RGS7: variants seen among roughly 807,000 people sequenced by gnomAD.
RGS7 encodes regulator of G-protein signaling 7.
A neutral mutation model predicts 81.1 loss-of-function variants in RGS7; 27 were observed. That is an observed-to-expected ratio of 0.33 (90% CI 0.25 to 0.46). The LOEUF (loss-of-function observed/expected upper bound fraction) is 0.46. Ranked by LOEUF, RGS7 falls within the 20% of genes least tolerant of loss-of-function variation. The pLI, the probability that RGS7 is intolerant of heterozygous loss-of-function variation, is 1.00. For missense variants in RGS7, 396 were observed against 607.4 expected (o/e 0.65, Z 3.66); for synonymous variants, 208 against 207.7 (o/e 1.00, Z -0.01).
chr1:241,019,021 G>A (rs1312825274), intron 3 of RGS7, among the ~76,000 whole-genome samples: 1 of 152,104 alleles, frequency 6.6e-6, no homozygotes, highest in Non-Finnish European at 1.5e-5. Context: ...AAGGCCATGA[G>A]GGGATTTTTC....
intron 2 of RGS7, among the ~76,000 whole-genome samples, chr1:241,347,404 T>C (rs28526593): frequency 5.9e-5 from 9 of 152,334 alleles, no homozygotes; most frequent in East Asian, 1.9e-4. Context: ...CTACTCTGCA[T>C]GGGCTATCAC....
chr1:240,955,583 A>AAAC (rs1428471719), intron 4 of RGS7, among the ~76,000 whole-genome samples: 12 of 91,202 alleles, frequency 1.3e-4, no homozygotes, highest in African/African-American at 4.6e-4. Flanking sequence ...AAAAAAAAAA[A>AAAC]CCGATTTGGA....
At chr1:240,973,197 C>T (rs1158975610) in intron 4 of RGS7, among the ~76,000 whole-genome samples, 1 of 152,114 alleles carries the variant, frequency 6.6e-6, no homozygotes, top group African/African-American at 2.4e-5. Flanking sequence ...CTGGCTACTT[C>T]ATGATATTGA....
Position 241,096,420 on chromosome 1 carries a change from A to G in RGS7, c.175+2246T>C, listed in dbSNP as rs143777165. Among the ~76,000 whole-genome samples the G allele has an allele frequency of 8.0e-4, 122 of 152,256 alleles. 1 individual carries two copies. In the East Asian group the frequency reaches 0.023, roughly 28 times the overall value. On this transcript the variant is annotated intron_variant, in intron 3 of 18. Coordinates refer to ENST00000440928, the MANE Select transcript of RGS7 (RefSeq NM_001364886.1). Reference sequence around the variant, plus strand: ...GCTGATAAGTGCTAGACATAATACTAGATATACCAACTAAATCCACGACAA... The same window carrying G: ...GCTGATAAGTGCTAGACATAATACTGGATATACCAACTAAATCCACGACAA...
chr1:241,323,015 T>TA (rs1220414221), intron 2 of RGS7, among the ~76,000 whole-genome samples: 1 of 152,140 alleles, frequency 6.6e-6, no homozygotes. Flanking sequence ...CTACTAACAG[T>TA]AAAAAACACA....
At chr1:241,167,621 C>T (rs1572965015) in intron 2 of RGS7, among the ~76,000 whole-genome samples, 1 of 151,946 alleles carries the variant, frequency 6.6e-6, no homozygotes, top group Non-Finnish European at 1.5e-5. Flanking sequence ...TTGGTTCAAG[C>T]GATTCTCATG....
intron 3 of RGS7, among the ~76,000 whole-genome samples, chr1:241,023,603 A>G (rs1371453089): frequency 6.6e-6 from 1 of 151,970 alleles, no homozygotes; most frequent in Non-Finnish European, 1.5e-5. Flanking sequence ...AACTCTAAAA[A>G]CTCTACCATC....
At chr1:240,827,250 T>C (rs1572284151) in intron 9 of RGS7, 78 bp from the exon 10 acceptor site, 2 of 1,149,318 alleles carry the variant, frequency 1.7e-6, no homozygotes, top group Non-Finnish European at 2.6e-6. Context: ...AATGGCTCGC[T>C]CTCCAGAGCC....
intron 2 of RGS7, among the ~76,000 whole-genome samples, chr1:241,262,015 A>AT (rs2077363749): frequency 6.6e-6 from 1 of 152,122 alleles, no homozygotes; most frequent in Non-Finnish European, 1.5e-5. Flanking sequence ...AGAAAAAAGG[A>AT]TTTTTTTAAG....
chr1:240,907,427 C>A (rs1670999977), intron 6 of RGS7, among the ~76,000 whole-genome samples: 1 of 151,494 alleles, frequency 6.6e-6, no homozygotes, highest in Admixed American at 6.6e-5. Context: ...AAATAAAATA[C>A]TAAATCGTAG....
At chr1:241,009,021 C>G (rs190191151) in intron 3 of RGS7, among the ~76,000 whole-genome samples, 1 of 151,676 alleles carries the variant, frequency 6.6e-6, no homozygotes, top group East Asian at 1.9e-4. Flanking sequence ...TATAGATTGG[C>G]CTTTACTTTA....
At chr1:241,329,089 A>T (rs2081801626) in intron 2 of RGS7, among the ~76,000 whole-genome samples, 1 of 152,214 alleles carries the variant, frequency 6.6e-6, no homozygotes. Context: ...TCCATCTAAT[A>T]AAAAGCTTCA....
intron 15 of RGS7, among the ~76,000 whole-genome samples, chr1:240,804,453 A>T (rs556557175): frequency 1.6e-5 from 2 of 126,248 alleles, no homozygotes; most frequent in East Asian, 2.4e-4. Flanking sequence ...GATTTTTTTT[A>T]AAAACCACAA....
rs796127635 is a variant in RGS7, at chr1:241,259,665, A to T, written c.78+96034T>A. 1.7e-3 allele frequency among the ~76,000 whole-genome samples: 95 copies of T among 56,708 alleles called. 2 individuals are homozygous for T. Among genetic ancestry groups the T allele is most frequent in the East Asian group, 6.9e-3 (16 of 2,328 alleles). The allele number at this position is 56,708 out of a possible 152,430, so 37.2% of individuals were successfully genotyped here. On this transcript the variant is annotated intron_variant, in intron 2 of 18. Coordinates refer to ENST00000440928, the MANE Select transcript of RGS7 (RefSeq NM_001364886.1). ...AACTCCGTCTCAAAAAAAAAAAAAA[A>T]AAATATATATATATATATATAATTA...
intron 2 of RGS7, among the ~76,000 whole-genome samples, chr1:241,288,426 T>C (rs770445990): frequency 7.2e-5 from 11 of 152,178 alleles, no homozygotes; most frequent in Non-Finnish European, 1.6e-4. Flanking sequence ...CAAGTATGCC[T>C]GTTATTGTTC....
Position 240,979,162 on chromosome 1 carries a change from C to G in RGS7, c.226+3917G>C, listed in dbSNP as rs377217334. ...AATAATTAAAGGCTTTGAACAACTACATATAATCCTAATAAACTGCTGGGA... is the reference window on the plus strand; with the variant it reads ...AATAATTAAAGGCTTTGAACAACTAGATATAATCCTAATAAACTGCTGGGA... On this transcript the variant is annotated intron_variant, in intron 4 of 18. Transcript: ENST00000440928. Among the ~76,000 whole-genome samples the G allele has an allele frequency of 3.9e-5, 6 of 152,234 alleles. No homozygotes were observed. The East Asian group carries it at 9.6e-4, about 24-fold the overall frequency.
At chr1:241,033,032 T>C (rs2060155349) in intron 3 of RGS7, among the ~76,000 whole-genome samples, 2 of 152,278 alleles carry the variant, frequency 1.3e-5, no homozygotes, top group South Asian at 4.1e-4. Context: ...TGAATTCTTC[T>C]TACGGAAAAG....
intron 3 of RGS7, among the ~76,000 whole-genome samples, chr1:241,001,318 C>G (rs561815236): frequency 1.3e-5 from 2 of 151,924 alleles, no homozygotes; most frequent in Non-Finnish European, 2.9e-5. Context: ...TGAGAGAATT[C>G]CAAAAGGTGC....
At chr1:241,047,009 T>C (rs2502408) in intron 3 of RGS7, among the ~76,000 whole-genome samples, 51,651 of 152,010 alleles carry the variant, frequency 0.34, 11,011 homozygotes, top group East Asian at 0.7. Flanking sequence ...CAGCAAATTT[T>C]GTGAGCAGTC....
Sources: gnomAD v4.1 joint callset for allele counts (sites outside exome capture counted in the v4.1 genomes callset) on GRCh38, gnomAD v4.1.1 for gene constraint, MANE v1.5 for transcripts, NCBI Gene and HGNC (gene_info 2026-07-23, HGNC 2026-07-21) for gene names.